PCDHGA1: variants seen among roughly 807,000 people sequenced by gnomAD.
PCDHGA1 encodes the protein protocadherin gamma-A1.
A neutral mutation model predicts 58.0 loss-of-function variants in PCDHGA1; 32 were observed. The observed-to-expected ratio is 0.55, with a 90% CI of 0.42 to 0.74. The LOEUF (loss-of-function observed/expected upper bound fraction) is 0.74, where lower values mean the gene tolerates loss of function less well. Ranked by LOEUF, PCDHGA1 falls within the 30% of genes least tolerant of loss-of-function variation. The pLI is 0.00. For missense variants in PCDHGA1, 1,205 were observed against 1,182.3 expected (o/e 1.02, Z -0.28); for synonymous variants, 498 against 501.1 (o/e 0.99, Z 0.08).
rs770128704 is a variant in PCDHGA1, at chr5:141,332,520, C to G, written c.1836C>G (p.Ser612Arg). The change falls in exon 1 of 4, where the codon AGC (serine) becomes AGG (arginine). Residue 612 changes from serine (S) to arginine (R), a missense_variant. Transcript: ENST00000517417. This position sits in a 1 kb window ranked among gnomAD's most constrained non-coding sequence, Gnocchi z 4.6. ...TGTCCTACCGCCTGCTCAAGGCCAGCGAGCCGGGACTCTTCTCGGTGGGTC... is the reference window on the plus strand; with the variant it reads ...TGTCCTACCGCCTGCTCAAGGCCAGGGAGCCGGGACTCTTCTCGGTGGGTC... ...AWLSYRLLKA[S>R]EPGLFSVGLH... The G allele has an allele frequency of 6.2e-7, 1 of 1,612,700 alleles. No individual in the cohort carries two copies. The highest frequency in any genetic ancestry group is 1.7e-5 in the Admixed American group (1 of 59,988).
chr5:141,398,900 G>C (rs765284630), intron 1 of PCDHGA1: 1 of 1,613,964 alleles, frequency 6.2e-7, no homozygotes, highest in South Asian at 1.1e-5. Context: ...GTGCCACCAG[G>C]CACCACTGTG....
At chr5:141,375,119 G>A in intron 1 of PCDHGA1, 1 of 1,613,940 alleles carries the variant, frequency 6.2e-7, no homozygotes, top group Non-Finnish European at 8.5e-7. Flanking sequence ...TAATGTACCA[G>A]AAGTGGTTGT....
intron 1 of PCDHGA1, chr5:141,399,856 G>T: frequency 6.2e-7 from 1 of 1,612,894 alleles, no homozygotes; most frequent in South Asian, 1.1e-5. Context: ...GGTGCCGCGC[G>T]CTGCAGAGCC....
chr5:141,357,179 T>A, intron 1 of PCDHGA1: 1 of 1,613,702 alleles, frequency 6.2e-7, no homozygotes, highest in Non-Finnish European at 8.5e-7. Flanking sequence ...ACCGTCACAC[T>A]CACTGTGGCT....
chr5:141,346,271 T>C, intron 1 of PCDHGA1: 2 of 1,614,148 alleles, frequency 1.2e-6, no homozygotes, highest in South Asian at 1.1e-5. Context: ...CGGACGGGGT[T>C]CGGGCTTTCC....
chr5:141,339,829 A>G (rs773791186), intron 1 of PCDHGA1: 1 of 1,614,226 alleles, frequency 6.2e-7, no homozygotes, highest in South Asian at 1.1e-5. Flanking sequence ...AAAGCCCTGG[A>G]GAAACCTCAG....
intron 2 of PCDHGA1, among the ~76,000 whole-genome samples, chr5:141,496,230 C>T (rs1336418553): frequency 2.6e-5 from 4 of 152,160 alleles, no homozygotes; most frequent in Admixed American, 2.0e-4. Flanking sequence ...AGACAGGAAC[C>T]CCCTGCGGGC....
chr5:141,385,284 A>C (rs1419920858), intron 1 of PCDHGA1: 5 of 1,613,356 alleles, frequency 3.1e-6, no homozygotes, highest in Non-Finnish European at 3.4e-6. Flanking sequence ...TAACATCCGT[A>C]GATTTTCAGG....
At chr5:141,380,746 A>G (rs1321659123) in intron 1 of PCDHGA1, among the ~76,000 whole-genome samples, 1 of 152,254 alleles carries the variant, frequency 6.6e-6, no homozygotes, top group African/African-American at 2.4e-5. Context: ...CAAAGAAGGT[A>G]CCAAGACACT....
chr5:141,490,010 T>C lies in PCDHGA1; in HGVS notation c.2422-4797T>C, dbSNP rs749356078. On this transcript the variant is annotated intron_variant, in intron 1 of 3. Coordinates refer to ENST00000517417, the MANE Select transcript of PCDHGA1 (RefSeq NM_018912.3). The surrounding 1 kb of genome is among the most constrained non-coding windows in gnomAD (Gnocchi z 5.4). ...GTGGGAATCCCAGAGAATGCACCCA[T>C]TGGTACTCTGCTGCTCCGCCTCAAT... 11 of 1,614,198 alleles carry C rather than the reference T, an allele frequency of 6.8e-6. No homozygotes were observed. The highest frequency in any genetic ancestry group is 2.2e-5 in the South Asian group (2 of 91,082).
intron 1 of PCDHGA1, chr5:141,417,766 C>G: frequency 6.9e-7 from 1 of 1,442,472 alleles, no homozygotes; most frequent in Non-Finnish European, 9.1e-7. Flanking sequence ...AGACCCGGGA[C>G]TCCTCCTGTC....
chr5:141,390,053 C>G, intron 1 of PCDHGA1: 1 of 1,614,066 alleles, frequency 6.2e-7, no homozygotes, highest in Non-Finnish European at 8.5e-7. Context: ...CCTCCTGGAG[C>G]TGCTTCCAGC....
At chr5:141,376,005 G>A (rs1265900699) in intron 1 of PCDHGA1, 1 of 1,613,430 alleles carries the variant, frequency 6.2e-7, no homozygotes, top group Non-Finnish European at 8.5e-7. Flanking sequence ...CTCAAGCAGA[G>A]CCTAGTGGTG....
intron 1 of PCDHGA1, chr5:141,376,743 G>A (rs894394205): frequency 9.7e-5 from 48 of 493,300 alleles, no homozygotes; most frequent in Non-Finnish European, 1.5e-4. Flanking sequence ...GCGGACTGCA[G>A]TGGCGCAATC....
chr5:141,389,789 C>A (rs1437335316), intron 1 of PCDHGA1: 4 of 1,613,328 alleles, frequency 2.5e-6, no homozygotes, highest in African/African-American at 2.7e-5. Flanking sequence ...ACAGGGACGC[C>A]GTCCGCCAGC....
At position 141,400,963 on chromosome 5, in the gene PCDHGA1, ATC is replaced by A. The variant is rs563949563; in HGVS notation, c.2421+67862_2421+67863del. ...TTCACTGATTTCACTGGTAGTTTTC[ATC>A]TCTTTCTTATGTTCCTCATATATGC... is the stretch of plus-strand genomic sequence containing the variant. On this transcript the variant is annotated intron_variant, in intron 1 of 3. Coordinates refer to ENST00000517417, the MANE Select transcript of PCDHGA1 (RefSeq NM_018912.3). 3.8e-3 allele frequency among the ~76,000 whole-genome samples: 582 copies of A among 152,338 alleles called. 6 individuals carry two copies. Among genetic ancestry groups the A allele is most frequent in the Admixed American group, 0.011 (171 of 15,304 alleles).
chr5:141,335,667 T>C (rs957271029), intron 1 of PCDHGA1, among the ~76,000 whole-genome samples: 5 of 152,182 alleles, frequency 3.3e-5, no homozygotes, highest in African/African-American at 9.6e-5. Context: ...ACAACAAATA[T>C]GGAATAGTCA....
intron 1 of PCDHGA1, chr5:141,360,941 G>T: frequency 6.2e-7 from 1 of 1,613,946 alleles, no homozygotes. Context: ...GCCACCGACC[G>T]GGATGAAGGC....
chr5:141,415,651 A>C, intron 1 of PCDHGA1: 1 of 1,595,106 alleles, frequency 6.3e-7, no homozygotes. Context: ...TAAAAAAAAA[A>C]AGATTGGTTT....
Sources: allele counts gnomAD v4.1 joint callset (sites outside exome capture counted in the v4.1 genomes callset), GRCh38; gene constraint gnomAD v4.1.1; non-coding constraint Gnocchi (gnomAD v3.1); transcripts MANE v1.5; gene names NCBI Gene and HGNC (gene_info 2026-07-23, HGNC 2026-07-21).